Variants in ZNF565 observed in about 807,000 individuals in gnomAD.
ZNF565 encodes zinc finger protein 565.
A neutral mutation model predicts 39.4 loss-of-function variants in ZNF565; 27 were observed. That is an observed-to-expected ratio of 0.69 (90% confidence interval 0.51 to 0.95). The LOEUF is 0.95. Among genes scored for constraint, ZNF565 ranks in the 40% least tolerant of loss-of-function variants. ZNF565 has a pLI of 0.00. For synonymous variants in ZNF565, 185 were observed against 216.6 expected (o/e 0.85, Z 1.28); for missense variants, 524 against 621.1 (o/e 0.84, Z 1.66).
intron 1 of ZNF565, among the ~76,000 whole-genome samples, 190 bp from the exon 2 acceptor site, chr19:36,202,240 G>A (rs1599933938): frequency 1.3e-5 from 2 of 151,978 alleles, no homozygotes; most frequent in Admixed American, 6.6e-5. Flanking sequence ...GGTGGCTCAC[G>A]CCTGTAAACC....
At chr19:36,226,699 G>A (rs116471851) in intron 1 of ZNF565, among the ~76,000 whole-genome samples, 1,881 of 152,210 alleles carry the variant, frequency 0.012, 41 homozygotes, top group African/African-American at 0.042. Context: ...GATCAAAATC[G>A]GGAAGTTTAA....
chr19:36,191,897 T>C (rs1975560094), intron 4 of ZNF565, among the ~76,000 whole-genome samples: 1 of 152,050 alleles, frequency 6.6e-6, no homozygotes, highest in Non-Finnish European at 1.5e-5. Flanking sequence ...ATTTGCCTAG[T>C]GTGAAAGTAT....
intron 1 of ZNF565, among the ~76,000 whole-genome samples, chr19:36,211,685 C>G (rs1034038835): frequency 6.9e-6 from 1 of 145,836 alleles, no homozygotes; most frequent in Admixed American, 6.9e-5. Flanking sequence ...CCCAACTACT[C>G]GGGAGGCTGA....
intron 1 of ZNF565, among the ~76,000 whole-genome samples, chr19:36,208,136 A>G (rs539803167): frequency 6.6e-6 from 1 of 152,268 alleles, no homozygotes; most frequent in Non-Finnish European, 1.5e-5. Flanking sequence ...TTCCAGCTCT[A>G]TATGTCTCAA....
chr19:36,200,174 C>T (rs1194678830), intron 2 of ZNF565, among the ~76,000 whole-genome samples: 3 of 151,066 alleles, frequency 2.0e-5, no homozygotes, highest in Admixed American at 6.6e-5. Context: ...TATAGACATG[C>T]GCCATCATGC....
chr19:36,207,763 CA>C (rs1032256870), intron 1 of ZNF565, among the ~76,000 whole-genome samples: 2 of 152,136 alleles, frequency 1.3e-5, no homozygotes, highest in African/African-American at 4.8e-5. Flanking sequence ...TGATGACTGT[CA>C]CTTCAGTTAG....
chr19:36,216,931 C>T (rs1316773502), upstream of ZNF565, among the ~76,000 whole-genome samples: 2 of 151,800 alleles, frequency 1.3e-5, no homozygotes, highest in Non-Finnish European at 2.9e-5. Flanking sequence ...ATAGTGAGAT[C>T]TCCCGTAGTC....
intron 1 of ZNF565, among the ~76,000 whole-genome samples, chr19:36,244,177 C>G (rs1410515178): frequency 6.6e-6 from 1 of 152,164 alleles, no homozygotes; most frequent in African/African-American, 2.4e-5. Context: ...CTCTTTCTCT[C>G]TCTCTATTCT....
intron 4 of ZNF565, among the ~76,000 whole-genome samples, chr19:36,191,613 G>A (rs771908190): frequency 2.0e-5 from 3 of 152,014 alleles, no homozygotes; most frequent in Non-Finnish European, 2.9e-5. Context: ...TGAACGATTC[G>A]AGCAATGAAA....
At chr19:36,231,833 G>A (rs531287823) in intron 1 of ZNF565, among the ~76,000 whole-genome samples, 38 of 151,990 alleles carry the variant, frequency 2.5e-4, no homozygotes, top group African/African-American at 7.2e-4. Context: ...ATCTGTAGGC[G>A]AGGCGGCAGA....
intron 1 of ZNF565, among the ~76,000 whole-genome samples, chr19:36,206,806 T>A (rs1037032487): frequency 1.3e-5 from 2 of 152,196 alleles, no homozygotes; most frequent in Non-Finnish European, 2.9e-5. Context: ...CACTCCAGCC[T>A]GGGCAACAAA....
intron 1 of ZNF565, among the ~76,000 whole-genome samples, chr19:36,234,360 T>TC (rs1296411073): frequency 6.6e-6 from 1 of 151,046 alleles, no homozygotes; most frequent in Non-Finnish European, 1.5e-5. Context: ...CAAGACTGTC[T>TC]CAAAAAAAAA....
At chr19:36,219,185 G>A (rs550980768), upstream of ZNF565, among the ~76,000 whole-genome samples, 102 of 152,010 alleles carry the variant, frequency 6.7e-4, no homozygotes, top group Non-Finnish European at 1.3e-3. Context: ...TTTGAGATGG[G>A]GTCTCACTCT....
intron 1 of ZNF565, among the ~76,000 whole-genome samples, chr19:36,223,808 G>A (rs1472941312): frequency 5.3e-5 from 8 of 151,672 alleles, no homozygotes; most frequent in African/African-American, 1.5e-4. Flanking sequence ...GTGCAGTGGC[G>A]TGATCACAGC....
Position 36,182,986 on chromosome 19 carries a change from C to A in ZNF565, c.980G>T (p.Arg327Leu), listed in dbSNP as rs747744356. Reference sequence around the variant, plus strand: ...GTAGGGTTTCTCACCAGTGTGGATTCGCTGGTGTACAGTCAGCTGTGAGTG... The same window carrying A: ...GTAGGGTTTCTCACCAGTGTGGATTAGCTGGTGTACAGTCAGCTGTGAGTG... ...RQHSQLTVHQRIHTGEKPYEC... is the reference protein window; with the variant it reads ...RQHSQLTVHQLIHTGEKPYEC... The change falls in exon 5 of 5, where the codon CGA becomes CTA. Residue 327 changes from arginine to leucine, a missense_variant. Arg to Leu is a moderately radical substitution (Grantham distance 102). Transcript: ENST00000304116. 6.2e-7 allele frequency: 1 copy of A among 1,614,046 alleles called. No homozygotes were observed.
chr19:36,182,817 T>A lies in ZNF565; in HGVS notation c.1149A>T (p.Arg383Ser), dbSNP rs780035133. ...CATAGGGTCTGTCGCCAGTATGGAC[T>A]CTCTGATGTCGTGTGAGCTGTGCGT... ...RQHAQLTRHQ[R>S]VHTGDRPYEC... is the part of the protein sequence containing the mutation. Residue 383 changes from arginine to serine, a missense_variant, in exon 5 of 5, where the codon AGA becomes AGT. By Grantham distance (110) the Arg-to-Ser change is moderately radical. Transcript: ENST00000304116. The A allele has an allele frequency of 6.2e-7, 1 of 1,614,040 alleles. No individual in the cohort carries two copies. Among genetic ancestry groups the A allele is most frequent in the African/African-American group, 1.3e-5 (1 of 74,920 alleles).
Position 36,182,305 on chromosome 19 carries a change from C to T in ZNF565, c.*161G>A, listed in dbSNP as rs1008035541. On this transcript the variant is annotated 3_prime_UTR_variant, in exon 5 of 5. Coordinates refer to ENST00000304116, the MANE Select transcript of ZNF565 (RefSeq NM_152477.5). ...GTGAGTGAGGCAAAAAGAATTCCCACATTTATTTAATTTTCTTTGGGTGTG... is the reference window on the plus strand; with the variant it reads ...GTGAGTGAGGCAAAAAGAATTCCCATATTTATTTAATTTTCTTTGGGTGTG... 1.5e-4 allele frequency: 81 copies of T among 526,916 alleles called. No homozygotes were observed. The highest frequency in any genetic ancestry group is 2.2e-4 in the Non-Finnish European group (71 of 325,324). 32.6% of individuals were successfully genotyped at this position (526,916 alleles called of 1,614,324 possible).
At chr19:36,233,178 T>G (rs1977464684) in intron 1 of ZNF565, among the ~76,000 whole-genome samples, 1 of 151,610 alleles carries the variant, frequency 6.6e-6, no homozygotes, top group South Asian at 2.1e-4. Context: ...ATGTCAGGAG[T>G]TCCAGACCAG....
intron 4 of ZNF565, 121 bp from the exon 5 acceptor site, chr19:36,183,854 A>G: frequency 1.2e-6 from 1 of 828,864 alleles, no homozygotes; most frequent in South Asian, 1.8e-5. Flanking sequence ...TGGGAGGCTG[A>G]GGCGGGTGGA....
Sources: allele counts gnomAD v4.1 joint callset (sites outside exome capture counted in the v4.1 genomes callset), GRCh38; gene constraint gnomAD v4.1.1; transcripts MANE v1.5; gene names NCBI Gene and HGNC (gene_info 2026-07-23, HGNC 2026-07-21).